The following CDH18 variants were observed in gnomAD, a reference collection of about 807,000 sequenced individuals.
The protein encoded by CDH18 is cadherin 18.
CDH18 carries 31 observed loss-of-function variants against 67.9 expected under a neutral mutation model. The observed-to-expected ratio is 0.46, with a 90% CI of 0.34 to 0.62. The LOEUF (loss-of-function observed/expected upper bound fraction) is 0.62, where lower values mean the gene tolerates loss of function less well. Ranked by LOEUF, CDH18 falls within the 20% of genes least tolerant of loss-of-function variation. CDH18 has a pLI of 0.01. For synonymous variants in CDH18, 362 were observed against 347.2 expected, an observed-to-expected ratio of 1.04 and a Z score of -0.48; for missense variants, 890 against 975.5, an observed-to-expected ratio of 0.91 and a Z score of 1.17.
chr5:19,890,613 G>C (rs201911952), intron 2 of CDH18, among the ~76,000 whole-genome samples: 1 of 44,598 alleles, frequency 2.2e-5, no homozygotes, highest in African/African-American at 5.9e-5. Flanking sequence ...TTTTTTTTTT[G>C]AGACAAAGTC....
At chr5:19,589,013 T>A (rs1652910975) in intron 7 of CDH18, among the ~76,000 whole-genome samples, 1 of 152,000 alleles carries the variant, frequency 6.6e-6, no homozygotes, top group African/African-American at 2.4e-5. Context: ...AATAAAGATA[T>A]TTAGGACCTG....
At chr5:19,748,044 C>A (rs1561215140) in intron 3 of CDH18, among the ~76,000 whole-genome samples, 1 of 134,634 alleles carries the variant, frequency 7.4e-6, no homozygotes, top group Non-Finnish European at 1.5e-5. Flanking sequence ...ACCTGGGAGG[C>A]GGAGCTTGCA....
At chr5:20,048,225 T>A (rs1326953402) in intron 2 of CDH18, among the ~76,000 whole-genome samples, 1 of 151,634 alleles carries the variant, frequency 6.6e-6, no homozygotes, top group East Asian at 1.9e-4. Context: ...ATATTTTCAG[T>A]ACATTAGGTG....
At chr5:19,673,731 A>G (rs971630902) in intron 5 of CDH18, among the ~76,000 whole-genome samples, 3 of 152,058 alleles carry the variant, frequency 2.0e-5, no homozygotes, top group Non-Finnish European at 4.4e-5. Context: ...ATGGATTGAT[A>G]ATGCACCCTG....
chr5:20,200,071 G>T (rs1228551393), intron 2 of CDH18, among the ~76,000 whole-genome samples: 1 of 152,116 alleles, frequency 6.6e-6, no homozygotes, highest in Non-Finnish European at 1.5e-5. Flanking sequence ...AGATCTAAGG[G>T]AACAAACACT....
At chr5:20,065,044 C>T (rs1023133849) in intron 2 of CDH18, among the ~76,000 whole-genome samples, 1 of 151,998 alleles carries the variant, frequency 6.6e-6, no homozygotes, top group East Asian at 1.9e-4. Flanking sequence ...GTCCCAGCTA[C>T]CCCTACGATG....
chr5:19,978,028 T>TA (rs1362837676), intron 2 of CDH18, among the ~76,000 whole-genome samples: 1 of 152,076 alleles, frequency 6.6e-6, no homozygotes, highest in Non-Finnish European at 1.5e-5. Flanking sequence ...ACTACAAAAG[T>TA]AAAAAGCAGA....
intron 3 of CDH18, among the ~76,000 whole-genome samples, chr5:19,762,570 A>C (rs1772509544): frequency 6.6e-6 from 1 of 152,168 alleles, no homozygotes; most frequent in Non-Finnish European, 1.5e-5. Context: ...ACCAGTTAGA[A>C]TGGTGATCAT....
chr5:20,513,109 A>G (rs2126492071), intron 1 of CDH18, among the ~76,000 whole-genome samples: 1 of 152,266 alleles, frequency 6.6e-6, no homozygotes, highest in African/African-American at 2.4e-5. Context: ...TGAAGGCCAT[A>G]GATATGAAAA....
intron 1 of CDH18, among the ~76,000 whole-genome samples, chr5:20,419,125 T>G (rs966399833): frequency 6.6e-6 from 1 of 152,036 alleles, no homozygotes; most frequent in Non-Finnish European, 1.5e-5. Flanking sequence ...ATTCTCTTGA[T>G]AGTTAGTAAG....
intron 2 of CDH18, 69 bp from the exon 3 acceptor site, chr5:19,839,311 T>A: frequency 3.5e-6 from 1 of 284,264 alleles, no homozygotes. Flanking sequence ...TGAATACAAA[T>A]GATACTATTT....
At chr5:19,979,134 G>C (rs1011837292) in intron 2 of CDH18, among the ~76,000 whole-genome samples, 3 of 151,886 alleles carry the variant, frequency 2.0e-5, no homozygotes, top group Admixed American at 2.0e-4. Flanking sequence ...TAAAGAACTA[G>C]CTAATCAAGC....
chr5:19,894,860 G>C (rs1789139867), intron 2 of CDH18, among the ~76,000 whole-genome samples: 2 of 152,114 alleles, frequency 1.3e-5, no homozygotes, highest in South Asian at 4.1e-4. Flanking sequence ...ATTTCTTAGG[G>C]TCTCAAGAAG....
chr5:19,901,970 T>G (rs1051897166), intron 2 of CDH18, among the ~76,000 whole-genome samples: 4 of 152,038 alleles, frequency 2.6e-5, no homozygotes, highest in Non-Finnish European at 5.9e-5. Context: ...TAAATAAATG[T>G]TTACCATGCG....
intron 6 of CDH18, among the ~76,000 whole-genome samples, chr5:19,610,539 C>A (rs1015334180): frequency 2.0e-5 from 3 of 151,982 alleles, no homozygotes; most frequent in Non-Finnish European, 4.4e-5. Flanking sequence ...TACAAACTAG[C>A]ATTTACTGAA....
At position 19,944,405 on chromosome 5, in the gene CDH18, T is replaced by A. The variant is rs575885841; in HGVS notation, c.-257+36655A>T. ...TAAGTCTCTAAAGTGTGTATATAAT[T>A]TATTAAATGTACTAGATTCACCATT... On this transcript the variant is annotated intron_variant, in intron 2 of 12. Transcript: ENST00000382275. Among the ~76,000 whole-genome samples, 4 of 152,256 alleles carry A rather than the reference T, an allele frequency of 2.6e-5. No individual in the cohort carries two copies. In the East Asian group the frequency reaches 7.7e-4, roughly 29 times the overall value.
intron 1 of CDH18, among the ~76,000 whole-genome samples, chr5:20,374,507 T>G (rs1743255544): frequency 6.6e-6 from 1 of 152,174 alleles, no homozygotes; most frequent in African/African-American, 2.4e-5. Flanking sequence ...AATTCCCTAG[T>G]GTTTTACAAA....
At chr5:20,171,569 T>A (rs897839261) in intron 2 of CDH18, among the ~76,000 whole-genome samples, 2 of 152,032 alleles carry the variant, frequency 1.3e-5, no homozygotes, top group Admixed American at 1.3e-4. Flanking sequence ...AGGTTGTTTG[T>A]TTTTTTCTTG....
chr5:19,906,427 G>T (rs754849916), intron 2 of CDH18, among the ~76,000 whole-genome samples: 6 of 151,698 alleles, frequency 4.0e-5, no homozygotes, highest in Non-Finnish European at 8.8e-5. Flanking sequence ...CTATTTTTAT[G>T]TCACCTATCT....
Sources: allele counts gnomAD v4.1 joint callset (sites outside exome capture counted in the v4.1 genomes callset), GRCh38; gene constraint gnomAD v4.1.1; transcripts MANE v1.5; gene names NCBI Gene and HGNC (gene_info 2026-07-23, HGNC 2026-07-21).